VPS8: variants seen among roughly 807,000 people sequenced by gnomAD.
The protein encoded by VPS8 is VPS8 subunit of CORVET complex.
In VPS8, 129 loss-of-function variants were observed where a neutral mutation model predicts 216.4. The ratio of observed to expected loss-of-function variants is 0.60; its 90% CI spans 0.52 to 0.69. VPS8 has a LOEUF of 0.69. Among genes scored for constraint, VPS8 ranks in the 30% least tolerant of loss-of-function variants. VPS8 has a pLI of 0.00. For missense variants in VPS8, 1,531 were observed against 1,683.5 expected, an observed-to-expected ratio of 0.91 and a Z score of 1.59; for synonymous variants, 571 against 565.4, an observed-to-expected ratio of 1.01 and a Z score of -0.14.
chr3:185,032,452 G>A (rs1758305604), intron 46 of VPS8, among the ~76,000 whole-genome samples: 2 of 152,126 alleles, frequency 1.3e-5, no homozygotes, highest in Admixed American at 6.5e-5. Context: ...CAGGTATGAA[G>A]GAGTGGGTGG....
chr3:184,893,577 A>G (rs957227226), intron 22 of VPS8, among the ~76,000 whole-genome samples: 1 of 152,196 alleles, frequency 6.6e-6, no homozygotes, highest in Non-Finnish European at 1.5e-5. Flanking sequence ...CAAGTTTGCA[A>G]TTGTCTGGTG....
intron 45 of VPS8, among the ~76,000 whole-genome samples, chr3:185,003,966 C>T (rs1753834256): frequency 6.6e-6 from 1 of 151,530 alleles, no homozygotes. Context: ...CGATGGGCGG[C>T]CGGGCAGAGA....
At chr3:184,918,113 G>T (rs1271898562) in intron 28 of VPS8, among the ~76,000 whole-genome samples, 2 of 152,210 alleles carry the variant, frequency 1.3e-5, no homozygotes, top group East Asian at 1.9e-4. Flanking sequence ...AATTAGGGCA[G>T]TGGCAGTAGG....
At chr3:184,853,709 A>G in intron 11 of VPS8, 148 bp from the exon 12 acceptor site, 4 of 755,292 alleles carry the variant, frequency 5.3e-6, no homozygotes, top group East Asian at 2.7e-5. Flanking sequence ...CTTGTATAAT[A>G]AAAAGACCAT....
intron 45 of VPS8, among the ~76,000 whole-genome samples, chr3:185,008,384 T>A (rs1298883743): frequency 2.6e-5 from 4 of 152,216 alleles, no homozygotes; most frequent in South Asian, 2.1e-4. Flanking sequence ...GACGATACAT[T>A]GGTGAACAAA....
chr3:184,990,008 G>A (rs1751667445), intron 42 of VPS8, among the ~76,000 whole-genome samples: 1 of 152,096 alleles, frequency 6.6e-6, no homozygotes, highest in South Asian at 2.1e-4. Context: ...GGGAGGCAGA[G>A]CTTGCAGCGA....
rs531617460 is a variant in VPS8, at chr3:184,998,634, A to G, written c.3837-1062A>G. Among the ~76,000 whole-genome samples, 20 of 151,986 alleles carry G rather than the reference A, an allele frequency of 1.3e-4. No individual in the cohort carries two copies. The South Asian group carries it at 1.5e-3, about 11-fold the overall frequency. On this transcript the variant is annotated intron_variant, in intron 44 of 47. Coordinates refer to ENST00000625842, the MANE Select transcript of VPS8 (RefSeq NM_001009921.3). Reference sequence around the variant, plus strand: ...ATTTCTGGAATGTCCGACATTTTAGATTAGAGAAATGAAGATAAATCAGTG... The same window carrying G: ...ATTTCTGGAATGTCCGACATTTTAGGTTAGAGAAATGAAGATAAATCAGTG...
chr3:184,852,670 G>T, intron 11 of VPS8, 103 bp downstream of exon 11: 1 of 1,094,128 alleles, frequency 9.1e-7, no homozygotes. Flanking sequence ...GTAATTGAGA[G>T]TAGATTATGA....
At chr3:184,862,324 GTTA>G (rs1202196725) in intron 15 of VPS8, among the ~76,000 whole-genome samples, 2 of 152,056 alleles carry the variant, frequency 1.3e-5, no homozygotes, top group African/African-American at 2.4e-5. Context: ...GATTTTTAAA[GTTA>G]TTATTGTTAA....
At chr3:184,943,661 C>A (rs923117911) in intron 36 of VPS8, among the ~76,000 whole-genome samples, 1 of 152,136 alleles carries the variant, frequency 6.6e-6, no homozygotes, top group Non-Finnish European at 1.5e-5. Context: ...CCTAAAGCAG[C>A]ATTATGAAAG....
intron 28 of VPS8, among the ~76,000 whole-genome samples, chr3:184,916,123 C>A (rs978426315): frequency 6.6e-6 from 1 of 152,072 alleles, no homozygotes; most frequent in Non-Finnish European, 1.5e-5. Context: ...GAAGGAGATG[C>A]GGTAGTGATG....
chr3:185,024,586 A>G (rs552108158), intron 46 of VPS8, among the ~76,000 whole-genome samples, 197 bp downstream of exon 46: 75 of 152,318 alleles, frequency 4.9e-4, no homozygotes, highest in Non-Finnish European at 9.3e-4. Context: ...GGGTTTCGAC[A>G]TCAGTCTCCT....
At chr3:184,981,642 C>T (rs770981891) in intron 40 of VPS8, among the ~76,000 whole-genome samples, 58 of 151,862 alleles carry the variant, frequency 3.8e-4, no homozygotes, top group Non-Finnish European at 5.7e-4. Flanking sequence ...CACCATGTTG[C>T]CCAGGCTGGT....
chr3:184,904,082 T>C (rs4324453), intron 25 of VPS8, among the ~76,000 whole-genome samples: 116,303 of 152,066 alleles, frequency 0.76, 45,271 homozygotes, highest in African/African-American at 0.85. Flanking sequence ...TGTATATTGA[T>C]CTTGTATCCT....
At chr3:184,970,302 C>T (rs572595315) in intron 39 of VPS8, among the ~76,000 whole-genome samples, 1 of 152,270 alleles carries the variant, frequency 6.6e-6, no homozygotes, top group African/African-American at 2.4e-5. Context: ...TATACACAGA[C>T]TACTAAAACA....
At chr3:184,917,214 T>A (rs1049730771) in intron 28 of VPS8, among the ~76,000 whole-genome samples, 1 of 152,052 alleles carries the variant, frequency 6.6e-6, no homozygotes, top group East Asian at 1.9e-4. Context: ...AAAAACATTG[T>A]AGGCAGAGGG....
At chr3:184,840,437 A>T (rs1721909361) in intron 7 of VPS8, 1 of 152,220 alleles carries the variant, frequency 6.6e-6, no homozygotes, top group Non-Finnish European at 1.5e-5. Flanking sequence ...ATGGTGGCTC[A>T]CGCCTGTAAT....
chr3:184,868,368 C>A, intron 18 of VPS8: 1 of 258,704 alleles, frequency 3.9e-6, no homozygotes, highest in Non-Finnish European at 7.3e-6. Context: ...AGCGTGCTGT[C>A]CTGTTCCACC....
At chr3:184,986,475 AAC>A (rs1246715152) in intron 42 of VPS8, among the ~76,000 whole-genome samples, 3 of 152,146 alleles carry the variant, frequency 2.0e-5, no homozygotes, top group Non-Finnish European at 4.4e-5. Context: ...AGGGGAGTAA[AAC>A]ACAGGGCTGA....
Sources: allele counts gnomAD v4.1 joint callset (sites outside exome capture counted in the v4.1 genomes callset), GRCh38; gene constraint gnomAD v4.1.1; transcripts MANE v1.5; gene names NCBI Gene and HGNC (gene_info 2026-07-23, HGNC 2026-07-21).